HHIP: variants seen among roughly 807,000 people sequenced by gnomAD.
HHIP encodes the protein hedgehog interacting protein.
In HHIP, 12 loss-of-function variants were observed where a neutral mutation model predicts 74.0. The observed-to-expected ratio is 0.16, with a 90% CI of 0.10 to 0.26. The LOEUF (loss-of-function observed/expected upper bound fraction) is 0.26, where lower values mean the gene tolerates loss of function less well. Ranked by LOEUF, HHIP falls within the 10% of genes least tolerant of loss-of-function variation. HHIP has a pLI of 1.00. For synonymous variants in HHIP, 309 were observed against 311.6 expected (o/e 0.99, Z 0.09); for missense variants, 788 against 845.0 (o/e 0.93, Z 0.84).
chr4:144,651,461 G>A (rs550773939), intron 1 of HHIP, among the ~76,000 whole-genome samples: 1 of 152,044 alleles, frequency 6.6e-6, no homozygotes, highest in South Asian at 2.1e-4. Context: ...AGAAGCCATA[G>A]ATTTACCCAA....
chr4:144,682,909 T>G (rs1021083796), intron 4 of HHIP, among the ~76,000 whole-genome samples: 2 of 152,232 alleles, frequency 1.3e-5, no homozygotes, highest in African/African-American at 4.8e-5. Flanking sequence ...TGAGAGCAAA[T>G]TCCAGTTCTT....
chr4:144,655,493 G>GC (rs1477166988), intron 2 of HHIP, among the ~76,000 whole-genome samples: 3 of 152,064 alleles, frequency 2.0e-5, no homozygotes, highest in Non-Finnish European at 2.9e-5. Context: ...CTCAGCAGTA[G>GC]GTTATTGTAG....
chr4:144,736,949 AAC>A (rs1234800016), intron 12 of HHIP, among the ~76,000 whole-genome samples: 58 of 152,318 alleles, frequency 3.8e-4, no homozygotes, highest in African/African-American at 1.3e-3. Context: ...GTCTCGTCAA[AAC>A]ATAAGGAAAT....
chr4:144,738,247 T>G lies in HHIP; in HGVS notation c.*290T>G, dbSNP rs1385503040. ...ATTTACACAGAAATTCCATTGTAAATTGATAATGGATTTTTTATGTTACTA... is the reference window on the plus strand; with the variant it reads ...ATTTACACAGAAATTCCATTGTAAAGTGATAATGGATTTTTTATGTTACTA... On this transcript the variant is annotated 3_prime_UTR_variant, in exon 13 of 13. Coordinates refer to ENST00000296575, the MANE Select transcript of HHIP (RefSeq NM_022475.3). 26 of 1,009,072 alleles carry G rather than the reference T, an allele frequency of 2.6e-5. No individual in the cohort carries two copies. The highest frequency in any genetic ancestry group is 3.4e-5 in the African/African-American group (2 of 58,394). The allele number at this position is 1,009,072 out of a possible 1,614,324, so 62.5% of individuals were successfully genotyped here.
chr4:144,679,165 C>T (rs183966105), intron 4 of HHIP, among the ~76,000 whole-genome samples: 216 of 152,002 alleles, frequency 1.4e-3, no homozygotes, highest in African/African-American at 5.0e-3. Context: ...GTTTGTTGGC[C>T]GCATAAATGC....
In HHIP at chr4:144,738,008, C is replaced by A; in HGVS notation, c.*51C>A. 6.9e-7 allele frequency: 1 copy of A among 1,446,336 alleles called. No individual in the cohort carries two copies. Among genetic ancestry groups the A allele is most frequent in the Non-Finnish European group, 9.1e-7 (1 of 1,099,380 alleles). 89.6% of individuals were successfully genotyped at this position (1,446,336 alleles called of 1,614,324 possible). A position where few individuals can be genotyped will look rare whatever the true frequency, so the allele number is the denominator to read the frequency against. Reference sequence around the variant, plus strand: ...TTCCAATGGGCATTTATTTTTTATCCTGTCATTAAAAAAAAAAGACTGTTA... The same window carrying A: ...TTCCAATGGGCATTTATTTTTTATCATGTCATTAAAAAAAAAAGACTGTTA... On this transcript the variant is annotated 3_prime_UTR_variant, in exon 13 of 13. Transcript: ENST00000296575.
intron 2 of HHIP, among the ~76,000 whole-genome samples, chr4:144,656,556 A>AT (rs901004262): frequency 1.3e-5 from 2 of 151,714 alleles, no homozygotes; most frequent in African/African-American, 4.8e-5. Flanking sequence ...TGAAACACAC[A>AT]TTTTTTTTAA....
chr4:144,664,022 TA>T lies in HHIP; in HGVS notation c.831+4185del, dbSNP rs1290548754. ...CTAGCAAACACCATTCTCCGCCACTTAGTTCTTGCGAGTGGTCAGAGGATGA... is the reference window on the plus strand; with the variant it reads ...CTAGCAAACACCATTCTCCGCCACTTGTTCTTGCGAGTGGTCAGAGGATGA... On this transcript the variant is annotated intron_variant, in intron 4 of 12. Coordinates refer to ENST00000296575, the MANE Select transcript of HHIP (RefSeq NM_022475.3). Among the ~76,000 whole-genome samples the T allele has an allele frequency of 5.3e-5, 8 of 152,290 alleles. No homozygotes were observed. In the East Asian group the frequency reaches 1.5e-3, roughly 29 times the overall value.
intron 3 of HHIP, among the ~76,000 whole-genome samples, chr4:144,659,319 G>T (rs2126588297): frequency 6.6e-6 from 1 of 152,186 alleles, no homozygotes; most frequent in South Asian, 2.1e-4. Context: ...CTTCCATAAG[G>T]TTTATTTATT....
chr4:144,657,155 G>A (rs1051732473), intron 2 of HHIP, among the ~76,000 whole-genome samples: 7 of 152,126 alleles, frequency 4.6e-5, no homozygotes, highest in African/African-American at 2.4e-5. Context: ...TCACTCAAAA[G>A]TTAGGTCAAA....
chr4:144,714,481 T>A (rs1730393847), intron 9 of HHIP, 133 bp downstream of exon 9: 2 of 818,354 alleles, frequency 2.4e-6, no homozygotes, highest in African/African-American at 3.5e-5. Flanking sequence ...TAAATATTAT[T>A]TACTTTTAGT....
intron 4 of HHIP, among the ~76,000 whole-genome samples, chr4:144,673,453 GT>G (rs1729096388): frequency 6.6e-6 from 1 of 152,180 alleles, no homozygotes; most frequent in Non-Finnish European, 1.5e-5. Flanking sequence ...CTCTACGCCA[GT>G]TGTAATTGCT....
intron 4 of HHIP, among the ~76,000 whole-genome samples, chr4:144,703,768 G>A (rs563576308): frequency 1.3e-5 from 2 of 152,258 alleles, no homozygotes; most frequent in South Asian, 4.1e-4. Flanking sequence ...GGGCTAGGAC[G>A]GTGTCCTGGT....
Position 144,725,920 on chromosome 4 carries a change from C to T in HHIP, c.1760+6964C>T, listed in dbSNP as rs367811808. On this transcript the variant is annotated intron_variant, in intron 11 of 12. Transcript: ENST00000296575. ...TCCTGGCCTCAGGTGATCTGCCTGGCTCGGCCTCCCAAAGTGCTGGGATTA... is the reference window on the plus strand; with the variant it reads ...TCCTGGCCTCAGGTGATCTGCCTGGTTCGGCCTCCCAAAGTGCTGGGATTA... Among the ~76,000 whole-genome samples the T allele has an allele frequency of 1.2e-4, 18 of 152,238 alleles. No homozygotes were observed. In the South Asian group the frequency reaches 3.7e-3, roughly 32 times the overall value.
chr4:144,706,951 G>C, intron 5 of HHIP, 136 bp from the exon 6 acceptor site: 1 of 759,208 alleles, frequency 1.3e-6, no homozygotes, highest in Non-Finnish European at 2.1e-6. Flanking sequence ...ATTTCTGTTA[G>C]CTCCATTTCA....
intron 2 of HHIP, among the ~76,000 whole-genome samples, chr4:144,655,875 C>T (rs2126582837): frequency 6.6e-6 from 1 of 152,124 alleles, no homozygotes; most frequent in Middle Eastern, 3.4e-3. Flanking sequence ...TTTTATACGT[C>T]AGTATTTATA....
chr4:144,711,484 C>T (rs1255076258), intron 7 of HHIP, among the ~76,000 whole-genome samples: 1 of 152,018 alleles, frequency 6.6e-6, no homozygotes, highest in Non-Finnish European at 1.5e-5. Flanking sequence ...GGCTCTTCGT[C>T]CCCCTGCACC....
At position 144,670,471 on chromosome 4, in the gene HHIP, A is replaced by G. The variant is rs1729003489; in HGVS notation, c.831+10633A>G. On this transcript the variant is annotated intron_variant, in intron 4 of 12. Coordinates refer to ENST00000296575, the MANE Select transcript of HHIP (RefSeq NM_022475.3). ...AGAGACTGTCAAAAAAAAAAAAAAAAGCTAAATTATTTACTTTTAGTTTGG... is the reference window on the plus strand; with the variant it reads ...AGAGACTGTCAAAAAAAAAAAAAAAGGCTAAATTATTTACTTTTAGTTTGG... 3.3e-5 allele frequency among the ~76,000 whole-genome samples: 5 copies of G among 151,024 alleles called. No homozygotes were observed. In the South Asian group the frequency reaches 1.0e-3, roughly 32 times the overall value.
intron 4 of HHIP, among the ~76,000 whole-genome samples, chr4:144,706,304 G>T (rs1336901780): frequency 2.0e-5 from 3 of 152,094 alleles, no homozygotes; most frequent in Admixed American, 6.5e-5. Context: ...TAAGACTCTT[G>T]TACATAGATA....
Sources: allele counts gnomAD v4.1 joint callset (sites outside exome capture counted in the v4.1 genomes callset), GRCh38; gene constraint gnomAD v4.1.1; transcripts MANE v1.5; gene names NCBI Gene and HGNC (gene_info 2026-07-23, HGNC 2026-07-21).